DOCK4: variants seen among roughly 807,000 people sequenced by gnomAD.
The protein encoded by DOCK4 is dedicator of cytokinesis 4, also known as dedicator of cytokinesis protein 4.
Under a neutral mutation model 268.1 loss-of-function variants are expected in DOCK4, and 97 were observed. The ratio of observed to expected loss-of-function variants is 0.36; its 90% CI spans 0.31 to 0.43. The LOEUF is 0.43. Among genes scored for constraint, DOCK4 ranks in the 20% least tolerant of loss-of-function variants. The pLI, the probability that DOCK4 is intolerant of heterozygous loss-of-function variation, is 1.00. For missense variants in DOCK4, 2,145 were observed against 2,455.7 expected (o/e 0.87, Z 2.67); for synonymous variants, 954 against 887.2 (o/e 1.08, Z -1.34).
chr7:111,769,700 A>G, intron 36 of DOCK4, 23 bp from the exon 37 acceptor site: 3 of 1,609,076 alleles, frequency 1.9e-6, no homozygotes, highest in South Asian at 1.1e-5. Context: ...TGAGAAGACA[A>G]TGATTGAGAC....
At chr7:111,947,322 T>C (rs1795696693) in intron 8 of DOCK4, among the ~76,000 whole-genome samples, 1 of 152,222 alleles carries the variant, frequency 6.6e-6, no homozygotes, top group Non-Finnish European at 1.5e-5. Flanking sequence ...CTTATTCTCT[T>C]TGGTGATCTA....
chr7:112,123,710 C>T (rs1362025354), intron 1 of DOCK4, among the ~76,000 whole-genome samples: 1 of 152,164 alleles, frequency 6.6e-6, no homozygotes, highest in Non-Finnish European at 1.5e-5. Flanking sequence ...TTGTATATTC[C>T]AGAACCATTA....
intron 5 of DOCK4, among the ~76,000 whole-genome samples, chr7:111,990,275 T>C (rs1425410334): frequency 6.6e-6 from 1 of 152,184 alleles, no homozygotes; most frequent in Non-Finnish European, 1.5e-5. Flanking sequence ...AACCAAAATA[T>C]ATATCCCTTA....
intron 1 of DOCK4, among the ~76,000 whole-genome samples, chr7:112,184,747 C>G (rs1025643105): frequency 2.0e-5 from 3 of 151,720 alleles, no homozygotes; most frequent in Non-Finnish European, 4.4e-5. Flanking sequence ...CCTTTCTGCT[C>G]TTTCATTTTC....
chr7:111,877,185 C>A lies in DOCK4; in HGVS notation c.1589G>T (p.Cys530Phe). The A allele has an allele frequency of 6.7e-7, 1 of 1,484,908 alleles. No homozygotes were observed. The highest frequency in any genetic ancestry group is 2.5e-5 in the East Asian group (1 of 40,008). The allele number at this position is 1,484,908 out of a possible 1,614,324, so 92.0% of individuals were successfully genotyped here. Residue 530 changes from cysteine (C) to phenylalanine (F), a missense_variant and splice_region_variant, in exon 17 of 53, where the codon TGT becomes TTT. Transcript: ENST00000428084. ...DGTHELIVHK[C>F]EENTNLQDTT... is the part of the protein sequence containing the mutation. ...ATCCTGAAGATTTGTGTTTTCTTCA[C>A]ACTGTTAAAAATATTTAAAAAAACA...
chr7:111,844,877 T>C lies in DOCK4; in HGVS notation c.2622A>G (p.Glu874=). The change falls in exon 25 of 53, where the codon GAA becomes GAG. Residue 874 remains glutamate, a synonymous_variant. Transcript: ENST00000428084. ...GCAAGCTGGCCACTATCACATCTAT[T>C]TCCTCCAGCACAGATTTTTCCTTAA... ...KNSSEKSVLE[E]IDVIVASLLD... 6.2e-7 allele frequency: 1 copy of C among 1,612,784 alleles called. No homozygotes were observed. The highest frequency in any genetic ancestry group is 1.7e-4 in the Middle Eastern group (1 of 6,036).
At chr7:111,990,196 A>G (rs1438018694) in intron 5 of DOCK4, among the ~76,000 whole-genome samples, 1 of 152,186 alleles carries the variant, frequency 6.6e-6, no homozygotes, top group Admixed American at 6.5e-5. Flanking sequence ...TGTTATTAGT[A>G]CTAGAGTACT....
At chr7:112,033,943 C>A (rs553086701) in intron 1 of DOCK4, among the ~76,000 whole-genome samples, 6 of 152,288 alleles carry the variant, frequency 3.9e-5, no homozygotes, top group African/African-American at 1.4e-4. Context: ...AGCATATAAA[C>A]TTACAAATCC....
chr7:111,854,407 C>A (rs1219502120), intron 23 of DOCK4, among the ~76,000 whole-genome samples: 3 of 152,370 alleles, frequency 2.0e-5, no homozygotes, highest in African/African-American at 7.2e-5. Context: ...CACGGACCCC[C>A]TTAGAGTTGT....
At chr7:111,815,478 T>C (rs1335804921) in intron 27 of DOCK4, among the ~76,000 whole-genome samples, 4 of 152,236 alleles carry the variant, frequency 2.6e-5, no homozygotes, top group Non-Finnish European at 5.9e-5. Flanking sequence ...TCTGGTTTCA[T>C]TCTTTTACTC....
chr7:111,762,629 T>G (rs1172442590), intron 39 of DOCK4, among the ~76,000 whole-genome samples: 1 of 152,110 alleles, frequency 6.6e-6, no homozygotes, highest in Admixed American at 6.6e-5. Context: ...TTTTGGCTAT[T>G]ATGAATAATG....
intron 1 of DOCK4, among the ~76,000 whole-genome samples, chr7:112,106,581 C>T (rs905064897): frequency 1.3e-5 from 2 of 152,216 alleles, no homozygotes; most frequent in African/African-American, 4.8e-5. Context: ...GCAGTTACTG[C>T]ATTCCTCGCC....
At chr7:111,914,178 G>A (rs1792389900) in intron 13 of DOCK4, among the ~76,000 whole-genome samples, 1 of 152,086 alleles carries the variant, frequency 6.6e-6, no homozygotes, top group Non-Finnish European at 1.5e-5. Flanking sequence ...CCTGTGGACT[G>A]TAATCCCCCT....
At chr7:112,129,040 A>C (rs1450075610) in intron 1 of DOCK4, among the ~76,000 whole-genome samples, 1 of 152,152 alleles carries the variant, frequency 6.6e-6, no homozygotes, top group South Asian at 2.1e-4. Context: ...TAATAGCTAC[A>C]CTCTTGGGTG....
intron 16 of DOCK4, among the ~76,000 whole-genome samples, chr7:111,883,651 G>A (rs1365749499): frequency 6.6e-6 from 1 of 152,128 alleles, no homozygotes; most frequent in African/African-American, 2.4e-5. Context: ...GGGTGTGATG[G>A]CTGTGCTGTA....
intron 1 of DOCK4, among the ~76,000 whole-genome samples, chr7:112,006,344 C>A (rs955076903): frequency 2.6e-5 from 4 of 152,110 alleles, no homozygotes; most frequent in African/African-American, 9.7e-5. Flanking sequence ...CTTCAACAGT[C>A]GGGTTCTTTT....
In DOCK4 at chr7:111,934,529, T is replaced by G. The variant is rs28409294; in HGVS notation, c.1066+1011A>C. Among the ~76,000 whole-genome samples the G allele has an allele frequency of 9.7e-3, 1,050 of 107,818 alleles. 4 individuals are homozygous for G. The highest frequency in any genetic ancestry group is 0.03 in the Middle Eastern group (6 of 202). 70.7% of individuals were successfully genotyped at this position (107,818 alleles called of 152,430 possible). A position where few individuals can be genotyped will look rare whatever the true frequency, so the allele number is the denominator to read the frequency against. On this transcript the variant is annotated intron_variant, in intron 12 of 52. Coordinates refer to ENST00000428084, the MANE Select transcript of DOCK4 (RefSeq NM_001363540.2). ...CATGTTTTGTTTTGTTTTTGTTTTT[T>G]TTTTTTTTTTTTTTTTTTTAGACAG... is the stretch of plus-strand genomic sequence containing the variant.
rs747359632 is a variant in DOCK4 at position 111,728,311 on chromosome 7, C to A, written c.5891G>T (p.Arg1964Leu). The part of the protein sequence containing the change: ...NGARRTDPGP[R>L]PRPLPRKVSQ... ...GACCTTGCGGGGCAGGGGCCTGGGC[C>A]GCGGGCCGGGGTCAGTCCTCCGGGC... The change falls in exon 53 of 53, where the codon CGG (arginine) becomes CTG (leucine). Residue 1964 changes from arginine (R) to leucine (L), a missense_variant. Around this residue, in one of 2 missense-constraint regions of DOCK4, gnomAD observed 547 missense variants for 469.0 expected, o/e 1.17. Transcript: ENST00000428084. The A allele has an allele frequency of 2.0e-6, 3 of 1,509,638 alleles. No individual in the cohort carries two copies. In the East Asian group the frequency reaches 6.9e-5, roughly 35 times the overall value. The allele number at this position is 1,509,638 out of a possible 1,614,324, so 93.5% of individuals were successfully genotyped here.
At position 111,783,747 on chromosome 7, in the gene DOCK4, A is replaced by C. The variant is rs1358398005; in HGVS notation, c.3524+110T>G. 3 of 965,888 alleles carry C rather than the reference A, an allele frequency of 3.1e-6. No homozygotes were observed. In the African/African-American group the frequency reaches 4.9e-5, roughly 16 times the overall value. The allele number at this position is 965,888 out of a possible 1,614,324, so 59.8% of individuals were successfully genotyped here. A position where few individuals can be genotyped will look rare whatever the true frequency, so the allele number is the denominator to read the frequency against. On this transcript the variant is annotated intron_variant, in intron 34 of 52. Transcript: ENST00000428084. ...TTAGTATACCAGGTTCCATGGTCTG[A>C]TAATCAATTGAGTGATTCACAAGAG...
Sources: allele counts gnomAD v4.1 joint callset (sites outside exome capture counted in the v4.1 genomes callset), GRCh38; gene constraint gnomAD v4.1.1; regional missense constraint gnomAD v4.1.1; transcripts MANE v1.5; gene names NCBI Gene and HGNC (gene_info 2026-07-23, HGNC 2026-07-21).